CUX1: variants seen among roughly 807,000 people sequenced by gnomAD.
CUX1 encodes protein CASP.
A neutral mutation model predicts 158.8 loss-of-function variants in CUX1; 31 were observed. The ratio of observed to expected loss-of-function variants is 0.20; its 90% CI spans 0.15 to 0.26. The LOEUF (loss-of-function observed/expected upper bound fraction) is 0.26, where lower values mean the gene tolerates loss of function less well. Ranked by LOEUF, CUX1 falls within the 10% of genes least tolerant of loss-of-function variation. CUX1 has a pLI of 1.00. For synonymous variants in CUX1, 879 were observed against 862.1 expected (o/e 1.02, Z -0.34); for missense variants, 1,589 against 2,014.6 (o/e 0.79, Z 4.04).
At chr7:102,169,821 C>G (rs1218953155) in intron 9 of CUX1, among the ~76,000 whole-genome samples, 1 of 152,210 alleles carries the variant, frequency 6.6e-6, no homozygotes, top group Non-Finnish European at 1.5e-5. Flanking sequence ...CAGCACTGGT[C>G]TATGCTGTCC....
At chr7:102,016,157 A>T (rs1315698250) in intron 2 of CUX1, among the ~76,000 whole-genome samples, 1 of 152,096 alleles carries the variant, frequency 6.6e-6, no homozygotes, top group African/African-American at 2.4e-5. Context: ...TATGTTGCCC[A>T]GGCTGGTGTT....
chr7:102,052,464 G>C (rs746154834), intron 3 of CUX1, among the ~76,000 whole-genome samples: 3 of 152,068 alleles, frequency 2.0e-5, no homozygotes, highest in Non-Finnish European at 4.4e-5. Context: ...ACCAGTACTT[G>C]CTTTCATTCT....
intron 23 of CUX1, among the ~76,000 whole-genome samples, chr7:102,242,192 ACTTT>A (rs1347711746): frequency 1.5e-5 from 2 of 135,452 alleles, no homozygotes; most frequent in South Asian, 2.4e-4. Flanking sequence ...TCCCATTTCC[ACTTT>A]CTTTCTTTCT....
intron 6 of CUX1, among the ~76,000 whole-genome samples, chr7:102,107,422 C>G (rs1345294462): frequency 6.6e-6 from 1 of 152,092 alleles, no homozygotes; most frequent in Non-Finnish European, 1.5e-5. Context: ...TGCCTGTAAT[C>G]CCAGCTACTC....
In CUX1 at chr7:102,257,573, G is replaced by A; in HGVS notation, c.*8531G>A. 1.0e-6 allele frequency: 1 copy of A among 985,328 alleles called. No individual in the cohort carries two copies. The highest frequency in any genetic ancestry group is 1.2e-6 in the Non-Finnish European group (1 of 829,932). 61.0% of individuals were successfully genotyped at this position (985,328 alleles called of 1,614,324 possible). A position where few individuals can be genotyped will look rare whatever the true frequency, so the allele number is the denominator to read the frequency against. Reference sequence around the variant, plus strand: ...CATTGAATAAGAGACCTAGTTCTTTGCGTTTGTGCAATAACTCTTTGCTGC... The same window carrying A: ...CATTGAATAAGAGACCTAGTTCTTTACGTTTGTGCAATAACTCTTTGCTGC... On this transcript the variant is annotated 3_prime_UTR_variant, in exon 24 of 24. Coordinates refer to ENST00000292535, the MANE Select transcript of CUX1 (RefSeq NM_181552.4).
chr7:102,153,363 C>T (rs940155891), intron 8 of CUX1: 3 of 152,262 alleles, frequency 2.0e-5, no homozygotes, highest in Non-Finnish European at 2.9e-5. Context: ...AACACCAGGT[C>T]GCAAGTGAGG....
At position 102,252,597 on chromosome 7, in the gene CUX1, G is replaced by A; in HGVS notation, c.*3555G>A. The A allele has an allele frequency of 1.0e-6, 1 of 985,426 alleles. No individual in the cohort carries two copies. The highest frequency in any genetic ancestry group is 1.2e-6 in the Non-Finnish European group (1 of 829,934). The allele number at this position is 985,426 out of a possible 1,614,324, so 61.0% of individuals were successfully genotyped here. ...TAAGCAGAGGCTCGGGGTAAAATCAGTGTTTGCATTTAGCCTCTTGACCCG... is the reference window on the plus strand; with the variant it reads ...TAAGCAGAGGCTCGGGGTAAAATCAATGTTTGCATTTAGCCTCTTGACCCG... On this transcript the variant is annotated 3_prime_UTR_variant, in exon 24 of 24. Coordinates refer to ENST00000292535, the MANE Select transcript of CUX1 (RefSeq NM_181552.4).
At chr7:101,913,507 C>T (rs899084681) in intron 1 of CUX1, 2 of 946,824 alleles carry the variant, frequency 2.1e-6, no homozygotes, top group African/African-American at 1.7e-5. Flanking sequence ...TCTGACAGAT[C>T]AGCCCAGGGA....
chr7:102,015,987 A>C (rs970769836), intron 2 of CUX1, among the ~76,000 whole-genome samples: 1 of 150,806 alleles, frequency 6.6e-6, no homozygotes, highest in African/African-American at 2.4e-5. Context: ...TACTTTTTAA[A>C]ATTTTTTTGT....
At chr7:102,116,533 T>TA (rs1325535151) in intron 8 of CUX1, among the ~76,000 whole-genome samples, 2 of 152,104 alleles carry the variant, frequency 1.3e-5, no homozygotes, top group African/African-American at 4.8e-5. Context: ...TAGTCCCAGC[T>TA]ACTTGGGAGC....
At chr7:102,233,064 G>A (rs1237336190) in intron 21 of CUX1, among the ~76,000 whole-genome samples, 1 of 152,032 alleles carries the variant, frequency 6.6e-6, no homozygotes, top group Non-Finnish European at 1.5e-5. Flanking sequence ...TACAAGAGAG[G>A]TCTCCTGTTT....
intron 14 of CUX1, among the ~76,000 whole-genome samples, chr7:102,268,612 T>C (rs548102808): frequency 1.3e-5 from 2 of 152,194 alleles, no homozygotes; most frequent in South Asian, 2.1e-4. Context: ...TGCATTGCTA[T>C]AGAGAAATAC....
chr7:102,198,206 G>A (rs1423672598), intron 15 of CUX1, among the ~76,000 whole-genome samples: 1 of 152,188 alleles, frequency 6.6e-6, no homozygotes, highest in Non-Finnish European at 1.5e-5. Flanking sequence ...GCTGCAGTGA[G>A]CCATGATTGA....
chr7:101,923,220 C>G (rs969944458), intron 2 of CUX1, among the ~76,000 whole-genome samples: 2 of 152,142 alleles, frequency 1.3e-5, no homozygotes, highest in African/African-American at 4.8e-5. Context: ...AGTGCTCCTG[C>G]GACATCGGCC....
Position 101,913,677 on chromosome 7 carries a change from A to G in CUX1, c.31-2438A>G, listed in dbSNP as rs183608638. Among the ~76,000 whole-genome samples the G allele has an allele frequency of 7.9e-4, 120 of 152,132 alleles. 1 individual carries two copies. The highest frequency in any genetic ancestry group is 7.4e-5 in the Non-Finnish European group (5 of 67,980). On this transcript the variant is annotated intron_variant, in intron 1 of 23. Coordinates refer to ENST00000292535, the MANE Select transcript of CUX1 (RefSeq NM_181552.4). ...CTCCAGCGCCTGCCAACTCAAAGAC[A>G]TCGGTAGATGCCCACCGATTGGGTA...
chr7:101,948,290 G>A (rs1049517714), intron 2 of CUX1, among the ~76,000 whole-genome samples: 1 of 152,136 alleles, frequency 6.6e-6, no homozygotes, highest in Non-Finnish European at 1.5e-5. Context: ...GCATTATCAC[G>A]ACAATTAGTT....
chr7:102,223,240 T>G (rs572353359), intron 20 of CUX1, among the ~76,000 whole-genome samples: 1 of 152,126 alleles, frequency 6.6e-6, no homozygotes, highest in East Asian at 2.0e-4. Flanking sequence ...CTGGGTAACA[T>G]AGCAAAACCC....
Position 102,104,427 on chromosome 7 carries a change from G to C in CUX1, c.498G>C (p.Gln166His). The C allele has an allele frequency of 6.2e-7, 1 of 1,613,220 alleles. No individual in the cohort carries two copies. Among genetic ancestry groups the C allele is most frequent in the Non-Finnish European group, 8.5e-7 (1 of 1,179,780 alleles). The change falls in exon 6 of 24, where the codon CAG (glutamine) becomes CAC (histidine). Residue 166 changes from glutamine (Q) to histidine (H), a missense_variant. By Grantham distance (24) the Gln-to-His change is conservative (BLOSUM62 0). Transcript: ENST00000292535. ...QAETIALEKE[Q>H]KLQNDFAEKE... is the part of the protein sequence containing the mutation. ...AAACCATAGCTCTTGAGAAGGAACA[G>C]AAGTTACAGAATGACTTTGCAGAAA...
intron 8 of CUX1, among the ~76,000 whole-genome samples, chr7:102,133,961 T>C (rs1360849398): frequency 6.6e-6 from 1 of 152,158 alleles, no homozygotes; most frequent in Non-Finnish European, 1.5e-5. Context: ...TCATCACTAC[T>C]TCAAAATGTC....
Sources: allele counts gnomAD v4.1 joint callset (sites outside exome capture counted in the v4.1 genomes callset), GRCh38; gene constraint gnomAD v4.1.1; transcripts MANE v1.5; gene names NCBI Gene and HGNC (gene_info 2026-07-23, HGNC 2026-07-21).